PABPC4L: variants seen among roughly 807,000 people sequenced by gnomAD.
PABPC4L encodes the protein poly(A) binding protein cytoplasmic 4 like, also known as polyadenylate-binding protein 4-like.
For synonymous variants in PABPC4L, 169 were observed against 164.1 expected, an observed-to-expected ratio of 1.03 and a Z score of -0.23; for missense variants, 452 against 451.4, an observed-to-expected ratio of 1.00 and a Z score of -0.01.
the PABPC4L span, among the ~76,000 whole-genome samples, chr4:134,155,845 AC>A: frequency 6.6e-6 from 1 of 152,018 alleles, no homozygotes; most frequent in East Asian, 1.9e-4. Flanking sequence ...TATGTTATTC[AC>A]CTACAAACTT....
the PABPC4L span, among the ~76,000 whole-genome samples, chr4:133,993,039 C>T: frequency 6.6e-6 from 1 of 152,080 alleles, no homozygotes; most frequent in Admixed American, 6.6e-5. Context: ...ATCCTCTTTC[C>T]CATGTTAGCA....
At chr4:134,131,137 A>C in the PABPC4L span, among the ~76,000 whole-genome samples, 9 of 152,148 alleles carry the variant, frequency 5.9e-5, no homozygotes, top group African/African-American at 2.2e-4. Flanking sequence ...GGCACAAGAC[A>C]AGGATGCAAA....
the PABPC4L span, among the ~76,000 whole-genome samples, chr4:134,183,528 G>A: frequency 6.6e-6 from 1 of 151,440 alleles, no homozygotes; most frequent in Non-Finnish European, 1.5e-5. Context: ...TATTACCTGG[G>A]TGACAAAATA....
the PABPC4L span, among the ~76,000 whole-genome samples, chr4:134,140,388 C>A: frequency 6.6e-6 from 1 of 151,582 alleles, no homozygotes; most frequent in Non-Finnish European, 1.5e-5. Flanking sequence ...AGACTGAAGT[C>A]CAAGGTGACA....
chr4:134,114,779 A>G, the PABPC4L span, among the ~76,000 whole-genome samples: 2 of 151,914 alleles, frequency 1.3e-5, no homozygotes, highest in South Asian at 4.1e-4. Flanking sequence ...AAAATTTAAA[A>G]CTATAAATAT....
the PABPC4L span, among the ~76,000 whole-genome samples, chr4:134,090,063 G>T: frequency 9.9e-5 from 15 of 151,940 alleles, no homozygotes; most frequent in Non-Finnish European, 1.8e-4. Context: ...GGATTACTCC[G>T]TTCTCAGGTA....
chr4:134,183,329 C>A, the PABPC4L span, among the ~76,000 whole-genome samples: 4 of 151,716 alleles, frequency 2.6e-5, no homozygotes, highest in African/African-American at 9.7e-5. Flanking sequence ...AGCTGGAGGC[C>A]ATTATCCTAA....
At chr4:134,195,679 T>C (rs929604444), downstream of PABPC4L, among the ~76,000 whole-genome samples, 1 of 151,748 alleles carries the variant, frequency 6.6e-6, no homozygotes, top group African/African-American at 2.4e-5. Context: ...TAAATTTCCT[T>C]CTCATTTGGA....
At chr4:134,121,399 T>A in the PABPC4L span, among the ~76,000 whole-genome samples, 126 of 151,776 alleles carry the variant, frequency 8.3e-4, no homozygotes, top group Non-Finnish European at 1.6e-3. Flanking sequence ...CTGAATGATG[T>A]TACCTTTCTC....
At chr4:134,156,520 G>A in the PABPC4L span, among the ~76,000 whole-genome samples, 1 of 151,664 alleles carries the variant, frequency 6.6e-6, no homozygotes, top group Non-Finnish European at 1.5e-5. Context: ...TACAAATGTG[G>A]ATGCACGGAA....
chr4:134,169,744 C>T, the PABPC4L span, among the ~76,000 whole-genome samples: 1 of 152,036 alleles, frequency 6.6e-6, no homozygotes, highest in South Asian at 2.1e-4. Context: ...TGAAAGCTCT[C>T]TACATTTAAA....
At chr4:134,170,869 C>T in the PABPC4L span, among the ~76,000 whole-genome samples, 2 of 152,288 alleles carry the variant, frequency 1.3e-5, no homozygotes, top group East Asian at 3.9e-4. Context: ...ATTGCTGGAT[C>T]AAATGGTACT....
the PABPC4L span, among the ~76,000 whole-genome samples, chr4:134,181,871 A>T: frequency 6.6e-6 from 1 of 151,948 alleles, no homozygotes; most frequent in Non-Finnish European, 1.5e-5. Flanking sequence ...TAAAACACAG[A>T]TAACACAAAC....
the PABPC4L span, among the ~76,000 whole-genome samples, chr4:134,171,930 C>A: frequency 1.3e-5 from 2 of 151,760 alleles, no homozygotes; most frequent in Non-Finnish European, 2.9e-5. Flanking sequence ...GCCACAAAAA[C>A]AATAAAATAC....
the PABPC4L span, among the ~76,000 whole-genome samples, chr4:133,953,769 C>G: frequency 6.6e-6 from 1 of 152,140 alleles, no homozygotes; most frequent in Admixed American, 6.5e-5. Context: ...TGGGAGGATG[C>G]TCTCTCTCCC....
chr4:133,972,347 A>G, the PABPC4L span, among the ~76,000 whole-genome samples: 1 of 152,120 alleles, frequency 6.6e-6, no homozygotes, highest in African/African-American at 2.4e-5. Flanking sequence ...ATGAATCCCT[A>G]CTTTTCTGAC....
chr4:133,959,398 G>A, the PABPC4L span, among the ~76,000 whole-genome samples: 1 of 152,200 alleles, frequency 6.6e-6, no homozygotes, highest in Non-Finnish European at 1.5e-5. Flanking sequence ...CATTTTAGAT[G>A]AGACCTAAGG....
rs1410503280 is a variant in PABPC4L, at chr4:134,200,775, C to G, written c.245G>C (p.Arg82Pro). 2 of 1,551,670 alleles carry G rather than the reference C, an allele frequency of 1.3e-6. No homozygotes were observed. Among genetic ancestry groups the G allele is most frequent in the Admixed American group, 3.9e-5 (2 of 50,986 alleles). The change falls in exon 2 of 2, where the codon CGT (arginine) becomes CCT (proline). Residue 82 changes from arginine to proline, a missense_variant. Coordinates refer to ENST00000421491, the MANE Select transcript of PABPC4L (RefSeq NM_001114734.2). ...GGCATCGCGCTGAGACCACATGAGA[C>G]GGATGGATTTGCCTTTTATGATGTC... ...NFDIIKGKSI[R>P]LMWSQRDAYL...
At chr4:134,093,865 T>C in the PABPC4L span, among the ~76,000 whole-genome samples, 1 of 151,520 alleles carries the variant, frequency 6.6e-6, no homozygotes, top group Non-Finnish European at 1.5e-5. Flanking sequence ...TCAGAAGCAG[T>C]TCCCAGCCTA....
Sources: allele counts gnomAD v4.1 joint callset (sites outside exome capture counted in the v4.1 genomes callset), GRCh38; gene constraint gnomAD v4.1.1; transcripts MANE v1.5; gene names NCBI Gene and HGNC (gene_info 2026-07-23, HGNC 2026-07-21).